Variants in TMEM69 observed in about 807,000 individuals in gnomAD.
The protein encoded by TMEM69 is chromosome 1 open reading frame 154.
Under a neutral mutation model 15.8 loss-of-function variants are expected in TMEM69, and 17 were observed. That is an observed-to-expected ratio of 1.07 (90% CI 0.73 to 1.61). The LOEUF (loss-of-function observed/expected upper bound fraction) is 1.61. TMEM69 is among the 40% of genes most tolerant of loss of function. TMEM69 has a pLI of 0.00. For missense variants in TMEM69, 230 were observed against 286.1 expected (o/e 0.80, Z 1.41); for synonymous variants, 80 against 98.6 (o/e 0.81, Z 1.12).
chr1:45,690,635 G>GT (rs1304032644), intron 1 of TMEM69, among the ~76,000 whole-genome samples: 37 of 150,098 alleles, frequency 2.5e-4, no homozygotes, highest in East Asian at 2.3e-3. Context: ...GTTTTGTTTT[G>GT]GTTTTTTTTT....
intron 2 of TMEM69, 102 bp downstream of exon 2, chr1:45,691,212 G>A: frequency 1.1e-6 from 1 of 945,218 alleles, no homozygotes; most frequent in Non-Finnish European, 1.7e-6. Context: ...TGTATATTCA[G>A]GTGATGGAGG....
chr1:45,691,471 A>G (rs1328790531), intron 2 of TMEM69, among the ~76,000 whole-genome samples: 1 of 151,840 alleles, frequency 6.6e-6, no homozygotes, highest in Admixed American at 6.6e-5. Flanking sequence ...TGAGCCCAGG[A>G]GGTTGAGGCT....
At chr1:45,689,026 C>T (rs1645324787) in intron 1 of TMEM69, among the ~76,000 whole-genome samples, 2 of 151,590 alleles carry the variant, frequency 1.3e-5, no homozygotes, top group South Asian at 2.1e-4. Flanking sequence ...GCCTCAGCCT[C>T]CCGAGTAGCT....
chr1:45,689,002 C>G (rs949651997), intron 1 of TMEM69, among the ~76,000 whole-genome samples: 12 of 150,824 alleles, frequency 8.0e-5, no homozygotes, highest in Non-Finnish European at 1.3e-4. Context: ...CTCCCAGGTT[C>G]AAGCAATTCT....
At chr1:45,689,743 C>G (rs777463603) in intron 1 of TMEM69, among the ~76,000 whole-genome samples, 7 of 151,976 alleles carry the variant, frequency 4.6e-5, no homozygotes, top group Non-Finnish European at 8.8e-5. Flanking sequence ...GAGGCTGAGG[C>G]AGGAGAATGG....
chr1:45,690,854 G>A (rs1645340131), intron 1 of TMEM69, 120 bp from the exon 2 acceptor site: 3 of 591,004 alleles, frequency 5.1e-6, no homozygotes, highest in East Asian at 2.9e-5. Context: ...CTGTGTTACC[G>A]ACAGTTTGAA....
intron 1 of TMEM69, among the ~76,000 whole-genome samples, chr1:45,690,246 A>G (rs1219157360): frequency 6.6e-6 from 1 of 152,220 alleles, no homozygotes; most frequent in Non-Finnish European, 1.5e-5. Context: ...TCATGCCTGT[A>G]ATCCCAACAC....
intron 2 of TMEM69, among the ~76,000 whole-genome samples, chr1:45,692,305 CAG>C (rs1051118018): frequency 2.6e-5 from 4 of 152,142 alleles, no homozygotes; most frequent in South Asian, 2.1e-4. Flanking sequence ...AATATGGAAA[CAG>C]GGAAATGGTT....
chr1:45,690,006 A>C (rs1295497239), intron 1 of TMEM69, among the ~76,000 whole-genome samples: 1 of 152,124 alleles, frequency 6.6e-6, no homozygotes, highest in Admixed American at 6.6e-5. Context: ...AAAAAAAAAA[A>C]TGTTACATCA....
rs80240238 is a variant in TMEM69 at position 45,689,995 on chromosome 1, CA to C, written c.-95-968del. Among the ~76,000 whole-genome samples the C allele has an allele frequency of 4.7e-3, 663 of 142,386 alleles. 25 individuals carry two copies. In the East Asian group the frequency reaches 0.098, roughly 21 times the overall value. The allele number at this position is 142,386 out of a possible 152,430, so 93.4% of individuals were successfully genotyped here. A position where few individuals can be genotyped will look rare whatever the true frequency, so the allele number is the denominator to read the frequency against. ...GGGTGACAGAGCGAGACCCTGTATC[CA>C]AAAAAAAAAATGTTACATCAACCCT... is the stretch of plus-strand genomic sequence containing the variant. On this transcript the variant is annotated intron_variant, in intron 1 of 2. Coordinates refer to ENST00000372025, the MANE Select transcript of TMEM69 (RefSeq NM_016486.4).
intron 2 of TMEM69, among the ~76,000 whole-genome samples, chr1:45,691,789 C>T (rs1160274207): frequency 9.1e-6 from 1 of 110,042 alleles, no homozygotes; most frequent in African/African-American, 3.2e-5. Context: ...TGCAGTGAGC[C>T]GAGATTGTGC....
In TMEM69 at chr1:45,693,890, A is replaced by G; in HGVS notation, c.729A>G (p.Arg243=). The change falls in exon 3 of 3, where the codon AGA becomes AGG. Residue 243 remains arginine (R), a synonymous_variant. Coordinates refer to ENST00000372025, the MANE Select transcript of TMEM69 (RefSeq NM_016486.4). ...GTTTTCCAGAAAAAGGACATAAGAG[A>G]CCTGGTCAAGTATAAAAAATATAAA... ...KSSFPEKGHK[R]PGQV is the part of the protein sequence containing the mutation. 2 of 1,597,438 alleles carry G rather than the reference A, an allele frequency of 1.3e-6. No individual in the cohort carries two copies. Among genetic ancestry groups the G allele is most frequent in the Non-Finnish European group, 1.7e-6 (2 of 1,173,214 alleles).
At chr1:45,688,485 T>A (rs1354429435) in intron 1 of TMEM69, among the ~76,000 whole-genome samples, 1 of 152,138 alleles carries the variant, frequency 6.6e-6, no homozygotes, top group Non-Finnish European at 1.5e-5. Flanking sequence ...ATGGGAATAT[T>A]GAGCTTTTTC....
chr1:45,692,178 CT>C (rs1321762863), intron 2 of TMEM69, among the ~76,000 whole-genome samples: 1 of 151,956 alleles, frequency 6.6e-6, no homozygotes, highest in Non-Finnish European at 1.5e-5. Context: ...AATACATCAA[CT>C]GGTAAATGCT....
chr1:45,689,666 G>A (rs979769317), intron 1 of TMEM69, among the ~76,000 whole-genome samples: 22 of 152,232 alleles, frequency 1.4e-4, no homozygotes, highest in Non-Finnish European at 2.8e-4. Context: ...GTGAAACTCC[G>A]TCTCTACTAA....
rs1033943998 is a variant in TMEM69, at chr1:45,694,216, T to G, written c.*311T>G. On this transcript the variant is annotated 3_prime_UTR_variant, in exon 3 of 3. Coordinates refer to ENST00000372025, the MANE Select transcript of TMEM69 (RefSeq NM_016486.4). The stretch of plus-strand genomic sequence containing the variant: ...CTTTTTCTACTTCTGTTTGGCTTTT[T>G]TTCCCCACACCAATGGTAATTTATC... 1 of 521,626 alleles carries G rather than the reference T, an allele frequency of 1.9e-6. No individual in the cohort carries two copies. Among genetic ancestry groups the G allele is most frequent in the Admixed American group, 3.6e-5 (1 of 27,674 alleles). 32.3% of individuals were successfully genotyped at this position (521,626 alleles called of 1,614,324 possible).
Position 45,691,099 on chromosome 1 carries a change from G to A in TMEM69, c.31G>A (p.Ala11Thr), listed in dbSNP as rs1411845695. 6.2e-7 allele frequency: 1 copy of A among 1,614,148 alleles called. No individual in the cohort carries two copies. The highest frequency in any genetic ancestry group is 1.1e-5 in the South Asian group (1 of 91,076). The change falls in exon 2 of 3, where the codon GCA becomes ACA. Residue 11 changes from alanine (A) to threonine (T), a missense_variant. Physicochemically the swap from Ala to Thr is moderately conservative, Grantham distance 58. Transcript: ENST00000372025. ...TCGCTTCATCCAGAAGTTTTCTCAA[G>A]CATCTTCAAAGGTTGGTTTGTTCAG... MLRFIQKFSQ[A>T]SSKILKYSFP... is the part of the protein sequence containing the mutation.
chr1:45,689,739 G>T (rs1370103776), intron 1 of TMEM69, among the ~76,000 whole-genome samples: 1 of 152,154 alleles, frequency 6.6e-6, no homozygotes, highest in Non-Finnish European at 1.5e-5. Context: ...TCAGGAGGCT[G>T]AGGCAGGAGA....
chr1:45,691,035 A>G lies in TMEM69; in HGVS notation c.-34A>G. The G allele has an allele frequency of 1.9e-6, 3 of 1,613,986 alleles. No individual in the cohort carries two copies. Among genetic ancestry groups the G allele is most frequent in the Non-Finnish European group, 2.5e-6 (3 of 1,179,874 alleles). ...AACATGTTAATCAGAACTACCTGGC[A>G]TCTTCCTGAACAAGACTTTCAATAG... On this transcript the variant is annotated 5_prime_UTR_variant, in exon 2 of 3. Coordinates refer to ENST00000372025, the MANE Select transcript of TMEM69 (RefSeq NM_016486.4).
Sources: allele counts gnomAD v4.1 joint callset (sites outside exome capture counted in the v4.1 genomes callset), GRCh38; gene constraint gnomAD v4.1.1; transcripts MANE v1.5; gene names NCBI Gene and HGNC (gene_info 2026-07-23, HGNC 2026-07-21).